The following EPB41L4B variants were observed in gnomAD, a reference collection of about 807,000 sequenced individuals.
The protein encoded by EPB41L4B is erythrocyte membrane protein band 4.1 like 4B, also known as band 4.1-like protein 4B.
EPB41L4B carries 30 observed loss-of-function variants against 112.5 expected under a neutral mutation model. The observed-to-expected ratio is 0.27, with a 90% CI of 0.20 to 0.36. EPB41L4B has a LOEUF of 0.36. Ranked by LOEUF, EPB41L4B falls within the 10% of genes least tolerant of loss-of-function variation. EPB41L4B has a pLI of 1.00. For missense variants in EPB41L4B, 1,024 were observed against 1,133.3 expected (o/e 0.90, Z 1.38); for synonymous variants, 408 against 439.7 (o/e 0.93, Z 0.90).
At position 109,207,231 on chromosome 9, in the gene EPB41L4B, C is replaced by A. The variant is rs556078918; in HGVS notation, c.1878+693G>T. On this transcript the variant is annotated intron_variant, in intron 18 of 25. Coordinates refer to ENST00000374566, the MANE Select transcript of EPB41L4B (RefSeq NM_019114.5). ...TGGCCTGCAGTTGCTACCTCTGGTACCTTAGAGTTGTGTGGCCCAAAATGT... is the reference window on the plus strand; with the variant it reads ...TGGCCTGCAGTTGCTACCTCTGGTAACTTAGAGTTGTGTGGCCCAAAATGT... Among the ~76,000 whole-genome samples the A allele has an allele frequency of 2.5e-3, 381 of 152,222 alleles. 1 individual carries two copies. The highest frequency in any genetic ancestry group is 8.5e-3 in the African/African-American group (351 of 41,532).
At chr9:109,293,779 C>T (rs10512392) in intron 1 of EPB41L4B, among the ~76,000 whole-genome samples, 33,418 of 150,724 alleles carry the variant, frequency 0.22, 4,628 homozygotes, top group Non-Finnish European at 0.3. Context: ...AAGATGTTAA[C>T]GATATTGGAC....
intron 1 of EPB41L4B, among the ~76,000 whole-genome samples, chr9:109,280,137 C>T (rs1186579540): frequency 6.6e-6 from 1 of 152,094 alleles, no homozygotes; most frequent in Non-Finnish European, 1.5e-5. Flanking sequence ...ATCTAGATAA[C>T]CCTGTTAACT....
At chr9:109,230,496 T>A (rs887871380) in intron 15 of EPB41L4B, among the ~76,000 whole-genome samples, 1 of 152,226 alleles carries the variant, frequency 6.6e-6, no homozygotes, top group African/African-American at 2.4e-5. Context: ...AATGATATAA[T>A]TTGATCTGTG....
chr9:109,175,940 C>A (rs1358786705), intron 25 of EPB41L4B, among the ~76,000 whole-genome samples: 1 of 152,060 alleles, frequency 6.6e-6, no homozygotes, highest in African/African-American at 2.4e-5. Context: ...TTCTCTATAG[C>A]CCTTTTCAGG....
At chr9:109,306,020 C>A (rs944019108) in intron 1 of EPB41L4B, among the ~76,000 whole-genome samples, 2 of 152,170 alleles carry the variant, frequency 1.3e-5, no homozygotes, top group East Asian at 3.8e-4. Context: ...CAGAGAGCCA[C>A]TAGAGTGACA....
In EPB41L4B at chr9:109,262,929, C is replaced by T. The variant is rs138892665; in HGVS notation, c.631+121G>A. 2.9e-4 allele frequency: 195 copies of T among 674,900 alleles called. 1 individual carries two copies. In the African/African-American group the frequency reaches 3.4e-3, roughly 12 times the overall value. The allele number at this position is 674,900 out of a possible 1,614,324, so 41.8% of individuals were successfully genotyped here. ...CTGCACGCCACTTGGGGACAGAGAC[C>T]GTGTCATATTCATTTATATCCCCAA... On this transcript the variant is annotated intron_variant, in intron 6 of 25. Transcript: ENST00000374566.
intron 24 of EPB41L4B, among the ~76,000 whole-genome samples, chr9:109,182,277 A>G (rs1832090965): frequency 6.6e-6 from 1 of 152,230 alleles, no homozygotes; most frequent in Admixed American, 6.5e-5. Flanking sequence ...AACCTCAAAT[A>G]CATTATGCTA....
rs201959293 is a variant in EPB41L4B, at chr9:109,216,940, T to C, written c.1615A>G (p.Ser539Gly). ...KEGPLRSPNSSSKSLTKLSPG... is the reference protein window; with the variant it reads ...KEGPLRSPNSGSKSLTKLSPG... ...TACTCACTTGTAAGGGACTTGCTGC[T>C]GGAGTTTGGGGACCTCAGAGGCCCC... The change falls in exon 16 of 26, where the codon AGC becomes GGC. Residue 539 changes from serine to glycine, a missense_variant. By Grantham distance (56) the Ser-to-Gly change is moderately conservative. Coordinates refer to ENST00000374566, the MANE Select transcript of EPB41L4B (RefSeq NM_019114.5). 2 of 1,614,140 alleles carry C rather than the reference T, an allele frequency of 1.2e-6. No homozygotes were observed. The highest frequency in any genetic ancestry group is 4.5e-5 in the East Asian group (2 of 44,894).
At position 109,249,007 on chromosome 9, in the gene EPB41L4B, C is replaced by T. The variant is rs112280578; in HGVS notation, c.1311-1218G>A. 1.3e-4 allele frequency among the ~76,000 whole-genome samples: 20 copies of T among 149,812 alleles called. 1 individual carries two copies. Among genetic ancestry groups the T allele is most frequent in the East Asian group, 3.9e-4 (2 of 5,090 alleles). ...CCGGGAGGCAGAGCTGGCAGTGAGCCGAGACTGCGCCACTGCACTCTAGCC... is the reference window on the plus strand; with the variant it reads ...CCGGGAGGCAGAGCTGGCAGTGAGCTGAGACTGCGCCACTGCACTCTAGCC... On this transcript the variant is annotated intron_variant, in intron 13 of 25. Transcript: ENST00000374566.
At chr9:109,232,171 T>A (rs1833973769) in intron 15 of EPB41L4B, among the ~76,000 whole-genome samples, 1 of 152,118 alleles carries the variant, frequency 6.6e-6, no homozygotes, top group Non-Finnish European at 1.5e-5. Context: ...TTTGTATTTT[T>A]AGTAGAGACG....
chr9:109,174,763 T>C, intron 25 of EPB41L4B, 140 bp from the exon 26 acceptor site: 1 of 653,008 alleles, frequency 1.5e-6, no homozygotes, highest in South Asian at 2.0e-5. Context: ...ACTATCTACA[T>C]TTGCTAGCAT....
chr9:109,175,127 G>C (rs928962305), intron 25 of EPB41L4B, among the ~76,000 whole-genome samples: 8 of 151,926 alleles, frequency 5.3e-5, no homozygotes, highest in African/African-American at 1.7e-4. Context: ...GTGTTGCCCA[G>C]GCTGGTCTCG....
At chr9:109,307,137 C>T in intron 1 of EPB41L4B, 2 of 375,992 alleles carry the variant, frequency 5.3e-6, no homozygotes, top group South Asian at 4.3e-5. Context: ...GAGCTCATTC[C>T]CTGAAGCGAG....
chr9:109,256,398 C>G lies in EPB41L4B; in HGVS notation c.835G>C (p.Val279Leu). ...TAAACGCACACAGTTCTTACCCTGA[C>G]AACGTGCATGTCTACCCCATACATT... ...LEMYGVDMHV[V>L]RGRDGCEYSL... The change falls in exon 8 of 26, where the codon GTC becomes CTC. Residue 279 changes from valine to leucine, a missense_variant. By Grantham distance (32) the Val-to-Leu change is conservative. Transcript: ENST00000374566. 6.2e-7 allele frequency: 1 copy of G among 1,614,120 alleles called. No individual in the cohort carries two copies. The highest frequency in any genetic ancestry group is 8.5e-7 in the Non-Finnish European group (1 of 1,179,994).
At chr9:109,241,896 G>A (rs1379232968) in intron 15 of EPB41L4B, 1 of 1,353,006 alleles carries the variant, frequency 7.4e-7, no homozygotes, top group Non-Finnish European at 1.0e-6. Flanking sequence ...CAAAGGAAAT[G>A]GGGCAGGGGG....
chr9:109,225,823 G>A (rs947844292), intron 15 of EPB41L4B, among the ~76,000 whole-genome samples: 2 of 152,156 alleles, frequency 1.3e-5, no homozygotes, highest in Non-Finnish European at 2.9e-5. Flanking sequence ...GACTGCATAG[G>A]GTGCTCTGGG....
At chr9:109,228,438 A>G (rs1004393879) in intron 15 of EPB41L4B, among the ~76,000 whole-genome samples, 3 of 152,206 alleles carry the variant, frequency 2.0e-5, no homozygotes, top group Non-Finnish European at 2.9e-5. Flanking sequence ...AAAGGTATTG[A>G]TGCTGACTCA....
intron 15 of EPB41L4B, among the ~76,000 whole-genome samples, chr9:109,221,464 T>C (rs1176053108): frequency 2.6e-5 from 4 of 152,118 alleles, no homozygotes; most frequent in Non-Finnish European, 4.4e-5. Flanking sequence ...GAGGGGCTCG[T>C]CTTCCACCCT....
chr9:109,259,418 C>T (rs1588179879), intron 6 of EPB41L4B, among the ~76,000 whole-genome samples: 1 of 152,192 alleles, frequency 6.6e-6, no homozygotes. Context: ...CCATGTGATG[C>T]TAATGTGGCG....
Sources: gnomAD v4.1 joint callset for allele counts (sites outside exome capture counted in the v4.1 genomes callset) on GRCh38, gnomAD v4.1.1 for gene constraint, MANE v1.5 for transcripts, NCBI Gene and HGNC (gene_info 2026-07-23, HGNC 2026-07-21) for gene names.